The following CAMK4 variants were observed in gnomAD, a reference collection of about 807,000 sequenced individuals.
CAMK4 encodes the protein calcium/calmodulin dependent protein kinase IV, also known as calcium/calmodulin-dependent protein kinase type IV.
CAMK4 carries 22 observed loss-of-function variants against 44.9 expected under a neutral mutation model. The ratio of observed to expected loss-of-function variants is 0.49; its 90% CI spans 0.35 to 0.70. The LOEUF (loss-of-function observed/expected upper bound fraction) is 0.70. Among genes scored for constraint, CAMK4 ranks in the 30% least tolerant of loss-of-function variants. The pLI is 0.01. For synonymous variants in CAMK4, 218 were observed against 215.4 expected (o/e 1.01, Z -0.11); for missense variants, 498 against 586.8 (o/e 0.85, Z 1.56).
At chr5:111,372,208 G>C (rs1455210876) in intron 2 of CAMK4, among the ~76,000 whole-genome samples, 1 of 152,146 alleles carries the variant, frequency 6.6e-6, no homozygotes, top group African/African-American at 2.4e-5. Flanking sequence ...AGGAAAATGT[G>C]AAATGAAGGG....
chr5:111,244,404 G>A (rs889030371), intron 1 of CAMK4, among the ~76,000 whole-genome samples: 3 of 152,088 alleles, frequency 2.0e-5, no homozygotes, highest in African/African-American at 4.8e-5. Flanking sequence ...GTCCTCAAAT[G>A]TATTGGAATC....
intron 1 of CAMK4, among the ~76,000 whole-genome samples, chr5:111,318,632 C>G (rs982317033): frequency 3.3e-5 from 5 of 152,144 alleles, no homozygotes; most frequent in African/African-American, 1.2e-4. Flanking sequence ...AGTGCCACTT[C>G]TAATTCTAGG....
chr5:111,473,461 T>TA (rs779025974), intron 8 of CAMK4, 75 bp downstream of exon 8: 45 of 908,718 alleles, frequency 5.0e-5, no homozygotes, highest in Non-Finnish European at 7.7e-5. Context: ...CTAATGCTCA[T>TA]AAAAACCATA....
At chr5:111,232,029 G>A (rs565876992) in intron 1 of CAMK4, among the ~76,000 whole-genome samples, 6 of 152,210 alleles carry the variant, frequency 3.9e-5, no homozygotes, top group South Asian at 2.1e-4. Context: ...GGATGTTCTC[G>A]CTCTCTCTTT....
chr5:111,273,702 TATATATATATATATATAC>T (rs1402922142), intron 1 of CAMK4, among the ~76,000 whole-genome samples: 689 of 54,594 alleles, frequency 0.013, 46 homozygotes, highest in East Asian at 0.062. Flanking sequence ...TATATATATA[TATATATATATATATATAC>T]ACACACATAC....
At chr5:111,347,287 C>T (rs1749909365) in intron 2 of CAMK4, among the ~76,000 whole-genome samples, 1 of 151,994 alleles carries the variant, frequency 6.6e-6, no homozygotes, top group South Asian at 2.1e-4. Context: ...CTGAGGTCTA[C>T]ATGACAGTGG....
chr5:111,473,443 A>G (rs1255902695), intron 8 of CAMK4, 57 bp downstream of exon 8: 5 of 1,100,114 alleles, frequency 4.5e-6, no homozygotes, highest in Non-Finnish European at 6.9e-6. Context: ...GACATTTTCT[A>G]GATACCTCTA....
chr5:111,364,673 T>G (rs2112803304), intron 2 of CAMK4, among the ~76,000 whole-genome samples: 1 of 152,224 alleles, frequency 6.6e-6, no homozygotes, highest in African/African-American at 2.4e-5. Context: ...CCTAGACTCT[T>G]ATTTCAATCC....
chr5:111,349,113 C>T (rs570716701), intron 2 of CAMK4, among the ~76,000 whole-genome samples: 1 of 151,902 alleles, frequency 6.6e-6, no homozygotes, highest in Non-Finnish European at 1.5e-5. Context: ...CCTTTTTTTC[C>T]ACTTAGTATT....
chr5:111,263,356 C>T (rs1472455328), intron 1 of CAMK4, among the ~76,000 whole-genome samples: 16 of 152,154 alleles, frequency 1.1e-4, no homozygotes, highest in Admixed American at 1.0e-3. Flanking sequence ...GGAATTGGGT[C>T]AGGGCTCTGA....
chr5:111,343,705 C>T (rs1370596140), intron 1 of CAMK4, among the ~76,000 whole-genome samples: 2 of 151,694 alleles, frequency 1.3e-5, no homozygotes, highest in Non-Finnish European at 2.9e-5. Context: ...GGGTGGGTTT[C>T]CTTCAAAAAC....
chr5:111,382,275 G>T (rs940323799), intron 4 of CAMK4, among the ~76,000 whole-genome samples: 2 of 151,942 alleles, frequency 1.3e-5, no homozygotes, highest in African/African-American at 4.8e-5. Context: ...CTGTACTTCA[G>T]CATTTCTAGA....
chr5:111,436,526 T>C (rs1398005814), intron 5 of CAMK4, among the ~76,000 whole-genome samples: 1 of 152,188 alleles, frequency 6.6e-6, no homozygotes, highest in East Asian at 1.9e-4. Flanking sequence ...GATGCTTCAT[T>C]CTGAGACTTC....
chr5:111,330,106 A>C, intron 1 of CAMK4, among the ~76,000 whole-genome samples: 1 of 147,510 alleles, frequency 6.8e-6, no homozygotes, highest in East Asian at 2.1e-4. Context: ...CTACAAAAAA[A>C]CAAACAAATA....
intron 1 of CAMK4, among the ~76,000 whole-genome samples, chr5:111,326,893 T>C (rs890418073): frequency 1.3e-5 from 2 of 151,932 alleles, no homozygotes; most frequent in Non-Finnish European, 2.9e-5. Flanking sequence ...CAACAGTGTG[T>C]CATGAAACAG....
intron 1 of CAMK4, among the ~76,000 whole-genome samples, chr5:111,300,528 T>A (rs1297484183): frequency 6.6e-6 from 1 of 152,236 alleles, no homozygotes; most frequent in Non-Finnish European, 1.5e-5. Context: ...TAAATTAATG[T>A]TTTATTTTCT....
At chr5:111,264,027 C>G (rs1750116389) in intron 1 of CAMK4, among the ~76,000 whole-genome samples, 1 of 152,238 alleles carries the variant, frequency 6.6e-6, no homozygotes, top group Non-Finnish European at 1.5e-5. Flanking sequence ...GCCAAGCTTA[C>G]TACTTTCCTA....
intron 5 of CAMK4, among the ~76,000 whole-genome samples, chr5:111,441,655 T>C (rs1753827779): frequency 1.3e-5 from 2 of 152,208 alleles, no homozygotes; most frequent in South Asian, 4.1e-4. Context: ...TTTTCTTGCA[T>C]GTCTTTGCTT....
At chr5:111,329,720 G>GA (rs1025826601) in intron 1 of CAMK4, among the ~76,000 whole-genome samples, 7 of 151,442 alleles carry the variant, frequency 4.6e-5, no homozygotes, top group Non-Finnish European at 8.9e-5. Flanking sequence ...ATATTAATGA[G>GA]AAAAAATCAT....
Sources: gnomAD v4.1 joint callset for allele counts (sites outside exome capture counted in the v4.1 genomes callset) on GRCh38, gnomAD v4.1.1 for gene constraint, MANE v1.5 for transcripts, NCBI Gene and HGNC (gene_info 2026-07-23, HGNC 2026-07-21) for gene names.